Variants in VPS13B observed in about 807,000 individuals in gnomAD.
VPS13B encodes vacuolar protein sorting 13 homolog B, also known as intermembrane lipid transfer protein VPS13B.
Under a neutral mutation model 426.4 loss-of-function variants are expected in VPS13B, and 285 were observed. That is an observed-to-expected ratio of 0.67 (90% confidence interval 0.61 to 0.74). The LOEUF is 0.74. Among genes scored for constraint, VPS13B ranks in the 30% least tolerant of loss-of-function variants. VPS13B has a pLI of 0.00. For missense variants in VPS13B, 4,537 were observed against 4,782.6 expected (o/e 0.95, Z 1.51); for synonymous variants, 1,676 against 1,676.4 (o/e 1.00, Z 0.01).
intron 33 of VPS13B, among the ~76,000 whole-genome samples, chr8:99,597,342 T>C (rs1436872446): frequency 1.3e-5 from 2 of 151,952 alleles, no homozygotes; most frequent in Admixed American, 1.3e-4. Flanking sequence ...TTAAATAAGT[T>C]TAGGTATAAT....
At chr8:99,329,886 G>A (rs950979715) in intron 19 of VPS13B, among the ~76,000 whole-genome samples, 4 of 151,884 alleles carry the variant, frequency 2.6e-5, no homozygotes, top group African/African-American at 7.2e-5. Flanking sequence ...GACATTTTGG[G>A]CCACATAATT....
intron 29 of VPS13B, among the ~76,000 whole-genome samples, chr8:99,519,397 T>A (rs1184463488): frequency 1.3e-5 from 2 of 152,180 alleles, no homozygotes; most frequent in Non-Finnish European, 2.9e-5. Flanking sequence ...AGTGTGGCAA[T>A]TCCTCAGGGA....
At chr8:99,350,749 A>G (rs1811833679) in intron 19 of VPS13B, among the ~76,000 whole-genome samples, 1 of 152,034 alleles carries the variant, frequency 6.6e-6, no homozygotes, top group African/African-American at 2.4e-5. Flanking sequence ...GCAGGAGGTA[A>G]ATGAATCAGG....
Position 99,210,619 on chromosome 8 carries a change from T to A in VPS13B, c.2515+17562T>A, listed in dbSNP as rs749605357. On this transcript the variant is annotated intron_variant, in intron 17 of 61. Coordinates refer to ENST00000357162, the MANE Select transcript of VPS13B (RefSeq NM_152564.5). Reference sequence around the variant, plus strand: ...TCTTGAAAAATATATATATATATATTTTTGAGACAGAGTTTTATTTCCATC... The same window carrying A: ...TCTTGAAAAATATATATATATATATATTTGAGACAGAGTTTTATTTCCATC... 1.4e-4 allele frequency among the ~76,000 whole-genome samples: 21 copies of A among 152,024 alleles called. 1 individual carries two copies. The highest frequency in any genetic ancestry group is 2.6e-4 in the Non-Finnish European group (18 of 68,002).
intron 30 of VPS13B, among the ~76,000 whole-genome samples, chr8:99,538,354 C>T (rs985348100): frequency 6.6e-6 from 1 of 151,898 alleles, no homozygotes; most frequent in Non-Finnish European, 1.5e-5. Context: ...AAAGTAGGTT[C>T]TTTATTCTTT....
At chr8:99,333,088 T>A (rs1313753382) in intron 19 of VPS13B, among the ~76,000 whole-genome samples, 1 of 151,700 alleles carries the variant, frequency 6.6e-6, no homozygotes, top group African/African-American at 2.4e-5. Context: ...TAGTATTAGG[T>A]TACTGGCAGC....
chr8:99,437,016 G>T (rs1817416676), intron 22 of VPS13B, among the ~76,000 whole-genome samples: 1 of 152,128 alleles, frequency 6.6e-6, no homozygotes, highest in East Asian at 1.9e-4. Context: ...TGGGATTACA[G>T]GCGTGAGCTT....
chr8:99,319,898 T>C (rs1031820195), intron 19 of VPS13B, among the ~76,000 whole-genome samples: 1 of 152,200 alleles, frequency 6.6e-6, no homozygotes, highest in African/African-American at 2.4e-5. Context: ...GTACCTGACA[T>C]GTGCTTCATG....
At chr8:99,560,590 A>C (rs1824858975) in intron 31 of VPS13B, among the ~76,000 whole-genome samples, 1 of 152,190 alleles carries the variant, frequency 6.6e-6, no homozygotes, top group Non-Finnish European at 1.5e-5. Context: ...GCCCCTGAGA[A>C]GGGGTGTAAA....
intron 33 of VPS13B, among the ~76,000 whole-genome samples, chr8:99,637,297 A>G (rs1443655309): frequency 6.6e-6 from 1 of 152,010 alleles, no homozygotes; most frequent in Non-Finnish European, 1.5e-5. Context: ...GTGGATTTTT[A>G]AATATGTCTC....
intron 19 of VPS13B, among the ~76,000 whole-genome samples, chr8:99,379,563 C>T (rs1024620340): frequency 6.6e-6 from 1 of 152,086 alleles, no homozygotes; most frequent in Non-Finnish European, 1.5e-5. Context: ...TTCACTTTCT[C>T]CAACCTTCAT....
intron 25 of VPS13B, among the ~76,000 whole-genome samples, chr8:99,490,327 G>A (rs571741518): frequency 5.3e-5 from 8 of 152,196 alleles, no homozygotes; most frequent in Middle Eastern, 3.4e-3. Context: ...TGATTTTCGC[G>A]TTGATGTTCA....
intron 21 of VPS13B, among the ~76,000 whole-genome samples, chr8:99,416,203 T>C (rs893345194): frequency 1.3e-5 from 2 of 152,140 alleles, no homozygotes; most frequent in Admixed American, 6.5e-5. Context: ...CCCGATGGCT[T>C]TGTTTACACT....
intron 23 of VPS13B, among the ~76,000 whole-genome samples, chr8:99,456,183 T>A (rs1818448205): frequency 1.3e-5 from 2 of 152,290 alleles, no homozygotes; most frequent in South Asian, 4.2e-4. Flanking sequence ...TTATTTATTT[T>A]TTTGAGGCAG....
chr8:99,599,551 A>G (rs911093764), intron 33 of VPS13B, among the ~76,000 whole-genome samples: 1 of 152,052 alleles, frequency 6.6e-6, no homozygotes, highest in Non-Finnish European at 1.5e-5. Flanking sequence ...TTGGTTTCCT[A>G]TCTGAGTTTG....
chr8:99,602,237 C>A (rs963464348), intron 33 of VPS13B, among the ~76,000 whole-genome samples: 3 of 152,174 alleles, frequency 2.0e-5, no homozygotes, highest in African/African-American at 7.2e-5. Context: ...TTTCCCAACA[C>A]CATTTATTAA....
intron 19 of VPS13B, among the ~76,000 whole-genome samples, chr8:99,361,926 T>G (rs1029775865): frequency 5.3e-5 from 8 of 152,162 alleles, no homozygotes; most frequent in African/African-American, 1.9e-4. Context: ...TTACGTGGTG[T>G]TAGTCTCATT....
chr8:99,505,761 G>T (rs988859657), intron 27 of VPS13B, among the ~76,000 whole-genome samples: 1 of 152,156 alleles, frequency 6.6e-6, no homozygotes, highest in Non-Finnish European at 1.5e-5. Context: ...TTTACTCAAT[G>T]TAAGGCTGCC....
At chr8:99,115,641 G>A (rs963500157) in intron 6 of VPS13B, 59 bp from the exon 7 acceptor site, 2 of 1,544,880 alleles carry the variant, frequency 1.3e-6, no homozygotes, top group African/African-American at 1.4e-5. Flanking sequence ...ATTTCTTTAT[G>A]TAAAAAATAC....
Sources: allele counts gnomAD v4.1 joint callset (sites outside exome capture counted in the v4.1 genomes callset), GRCh38; gene constraint gnomAD v4.1.1; transcripts MANE v1.5; gene names NCBI Gene and HGNC (gene_info 2026-07-23, HGNC 2026-07-21).